SERPINI1: variants seen among roughly 807,000 people sequenced by gnomAD.
The protein encoded by SERPINI1 is serpin family I member 1.
SERPINI1 carries 19 observed loss-of-function variants against 41.1 expected under a neutral mutation model. The observed-to-expected ratio is 0.46, with a 90% CI of 0.32 to 0.68. The LOEUF is 0.68. Among genes scored for constraint, SERPINI1 ranks in the 30% least tolerant of loss-of-function variants. The pLI is 0.03. For missense variants in SERPINI1, 460 were observed against 479.2 expected (o/e 0.96, Z 0.37); for synonymous variants, 138 against 156.6 (o/e 0.88, Z 0.89).
chr3:167,761,624 T>A (rs944001350), intron 1 of SERPINI1, among the ~76,000 whole-genome samples: 1 of 152,224 alleles, frequency 6.6e-6, no homozygotes, highest in Non-Finnish European at 1.5e-5. Context: ...TGTGCTTCAA[T>A]ACACTCAATA....
At chr3:167,795,220 T>C (rs569563609) in intron 5 of SERPINI1, among the ~76,000 whole-genome samples, 11 of 152,306 alleles carry the variant, frequency 7.2e-5, no homozygotes, top group Admixed American at 6.5e-5. Flanking sequence ...TGATTATGAC[T>C]GGAGAGGAAA....
At chr3:167,820,145 T>C (rs1408575813) in intron 6 of SERPINI1, among the ~76,000 whole-genome samples, 1 of 152,180 alleles carries the variant, frequency 6.6e-6, no homozygotes, top group Non-Finnish European at 1.5e-5. Context: ...CCTCCCTTCT[T>C]GGTGTGTAGA....
rs1488511267 is a variant in SERPINI1, at chr3:167,801,976, T to C, written c.882-5268T>C. 5.3e-5 allele frequency among the ~76,000 whole-genome samples: 8 copies of C among 152,172 alleles called. No individual in the cohort carries two copies. In the East Asian group the frequency reaches 1.5e-3, roughly 29 times the overall value. ...GAGCCCTCAGAAATAATGCCGCATATCTACAACTATCTGATCTTTGACAAA... is the reference window on the plus strand; with the variant it reads ...GAGCCCTCAGAAATAATGCCGCATACCTACAACTATCTGATCTTTGACAAA... On this transcript the variant is annotated intron_variant, in intron 5 of 8. Coordinates refer to ENST00000446050, the MANE Select transcript of SERPINI1 (RefSeq NM_001122752.2).
chr3:167,812,527 T>C (rs1711927796), intron 6 of SERPINI1, among the ~76,000 whole-genome samples: 1 of 152,250 alleles, frequency 6.6e-6, no homozygotes, highest in Non-Finnish European at 1.5e-5. Context: ...CTTAAATTCC[T>C]GATACCTTGT....
At chr3:167,757,532 A>AC (rs59521643) in intron 1 of SERPINI1, among the ~76,000 whole-genome samples, 2 of 151,814 alleles carry the variant, frequency 1.3e-5, no homozygotes, top group African/African-American at 4.8e-5. Context: ...ACACACACAC[A>AC]AAATATATAT....
At chr3:167,763,648 T>G (rs1726460928) in intron 1 of SERPINI1, among the ~76,000 whole-genome samples, 1 of 152,190 alleles carries the variant, frequency 6.6e-6, no homozygotes, top group Admixed American at 6.5e-5. Context: ...TTCTACCAGC[T>G]CGTTTTCCAC....
At chr3:167,772,992 T>C (rs994396000) in intron 1 of SERPINI1, among the ~76,000 whole-genome samples, 2 of 107,464 alleles carry the variant, frequency 1.9e-5, no homozygotes, top group African/African-American at 7.6e-5. Context: ...ATATATATAT[T>C]TCTCTGAAGT....
intron 1 of SERPINI1, among the ~76,000 whole-genome samples, chr3:167,736,421 G>T (rs999759439): frequency 2.0e-5 from 3 of 152,146 alleles, no homozygotes; most frequent in Non-Finnish European, 4.4e-5. Flanking sequence ...ATGTAAAAAT[G>T]AATTTTAATG....
chr3:167,800,996 T>G (rs1349859017), intron 5 of SERPINI1, among the ~76,000 whole-genome samples: 1 of 152,194 alleles, frequency 6.6e-6, no homozygotes, highest in Non-Finnish European at 1.5e-5. Context: ...TTTTGTGTTT[T>G]TAGTAGAGAT....
intron 6 of SERPINI1, among the ~76,000 whole-genome samples, chr3:167,811,053 C>T (rs1711859405): frequency 6.6e-6 from 1 of 152,018 alleles, no homozygotes; most frequent in Non-Finnish European, 1.5e-5. Flanking sequence ...CTTGCTGTTT[C>T]TACCACATCC....
chr3:167,812,660 G>T (rs1483188089), intron 6 of SERPINI1, among the ~76,000 whole-genome samples: 1 of 152,170 alleles, frequency 6.6e-6, no homozygotes, highest in Non-Finnish European at 1.5e-5. Flanking sequence ...ATAGTGCCCA[G>T]CACTGTGCTT....
At chr3:167,744,293 G>A (rs1327310059) in intron 1 of SERPINI1, among the ~76,000 whole-genome samples, 6 of 151,960 alleles carry the variant, frequency 3.9e-5, no homozygotes, top group Admixed American at 3.3e-4. Context: ...AGTAACTGGC[G>A]TGTAGTAAAT....
chr3:167,788,892 G>T (rs1264599259), intron 1 of SERPINI1, among the ~76,000 whole-genome samples: 1 of 152,312 alleles, frequency 6.6e-6, no homozygotes, highest in East Asian at 1.9e-4. Flanking sequence ...AACATGACTT[G>T]TAATTACTTG....
At chr3:167,792,036 A>G (rs1018658824) in intron 3 of SERPINI1, among the ~76,000 whole-genome samples, 8 of 152,144 alleles carry the variant, frequency 5.3e-5, no homozygotes, top group Non-Finnish European at 1.0e-4. Flanking sequence ...GAGGCATGAG[A>G]ATCACTTGAA....
chr3:167,793,575 AAT>A lies in SERPINI1; in HGVS notation c.676+812_676+813del, dbSNP rs1198926852. On this transcript the variant is annotated intron_variant, in intron 4 of 8. Coordinates refer to ENST00000446050, the MANE Select transcript of SERPINI1 (RefSeq NM_001122752.2). ...AACACAGCAAGACCCTTTCTCTACA[AAT>A]ATATATATATATATATATATTTTTA... Among the ~76,000 whole-genome samples the A allele has an allele frequency of 4.4e-4, 59 of 134,068 alleles. No homozygotes were observed. The Middle Eastern group carries it at 0.011, about 25-fold the overall frequency. 88.0% of individuals were successfully genotyped at this position (134,068 alleles called of 152,430 possible). A position where few individuals can be genotyped will look rare whatever the true frequency, so the allele number is the denominator to read the frequency against.
intron 5 of SERPINI1, among the ~76,000 whole-genome samples, chr3:167,806,849 C>G (rs1289867536): frequency 7.6e-6 from 1 of 131,512 alleles, no homozygotes; most frequent in Non-Finnish European, 1.6e-5. Context: ...TTAGTCATCT[C>G]CAGCTTAAAA....
chr3:167,791,827 C>T (rs947011028), intron 3 of SERPINI1, among the ~76,000 whole-genome samples: 1 of 152,168 alleles, frequency 6.6e-6, no homozygotes, highest in African/African-American at 2.4e-5. Context: ...GTACATTGTT[C>T]AAGAATAAAC....
At chr3:167,782,343 T>C (rs2108552321) in intron 1 of SERPINI1, among the ~76,000 whole-genome samples, 1 of 152,296 alleles carries the variant, frequency 6.6e-6, no homozygotes, top group South Asian at 2.1e-4. Context: ...AATACCACTT[T>C]GTCAGGCTGT....
chr3:167,777,668 A>C (rs1188478814), intron 1 of SERPINI1, among the ~76,000 whole-genome samples: 2 of 152,206 alleles, frequency 1.3e-5, no homozygotes, highest in African/African-American at 4.8e-5. Flanking sequence ...AGGAATTCAA[A>C]TTTAATATAT....
Sources: allele counts gnomAD v4.1 joint callset (sites outside exome capture counted in the v4.1 genomes callset), GRCh38; gene constraint gnomAD v4.1.1; transcripts MANE v1.5; gene names NCBI Gene and HGNC (gene_info 2026-07-23, HGNC 2026-07-21).